The following PARD6G variants were observed in gnomAD, a reference collection of about 807,000 sequenced individuals.
PARD6G encodes the protein par-6 family cell polarity regulator gamma.
Under a neutral mutation model 10.7 loss-of-function variants are expected in PARD6G, and 7 were observed. That is an observed-to-expected ratio of 0.66 (90% CI 0.37 to 1.23). The LOEUF (loss-of-function observed/expected upper bound fraction) is 1.23, where lower values mean the gene tolerates loss of function less well. PARD6G is among the 50% of genes most tolerant of loss of function. The pLI, the probability that PARD6G is intolerant of heterozygous loss-of-function variation, is 0.02. For missense variants in PARD6G, 548 were observed against 571.8 expected, an observed-to-expected ratio of 0.96 and a Z score of 0.42; for synonymous variants, 287 against 269.4, an observed-to-expected ratio of 1.07 and a Z score of -0.64.
intron 2 of PARD6G, among the ~76,000 whole-genome samples, chr18:80,173,939 C>T (rs754457351): frequency 2.6e-5 from 4 of 152,120 alleles, no homozygotes; most frequent in Admixed American, 1.3e-4. Flanking sequence ...CACTAATGCC[C>T]GAATTGCCTT....
chr18:80,239,765 T>C (rs763598355), intron 1 of PARD6G, among the ~76,000 whole-genome samples: 4 of 152,250 alleles, frequency 2.6e-5, no homozygotes, highest in Non-Finnish European at 4.4e-5. Flanking sequence ...CTTCACAGGA[T>C]ACAGAGGGCA....
chr18:80,202,827 C>T lies in PARD6G; in HGVS notation c.178G>A (p.Val60Ile), dbSNP rs755835414. The change falls in exon 2 of 3, where the codon GTA becomes ATA. Residue 60 changes from valine to isoleucine, a missense_variant. Val to Ile is a conservative substitution (Grantham distance 29, BLOSUM62 3). Transcript: ENST00000353265. ...TGCACATCTGCATAGCCAATAGTTA[C>T]ATCACTGTTGGAGATATGGTGGGTG... ...VHTHHISNSD[V>I]TIGYADVHGD... 6.2e-7 allele frequency: 1 copy of T among 1,613,398 alleles called. No individual in the cohort carries two copies. The highest frequency in any genetic ancestry group is 8.5e-7 in the Non-Finnish European group (1 of 1,179,616).
rs142591786 is a variant in PARD6G at position 80,183,507 on chromosome 18, C to T, written c.295+19203G>A. ...CCCAAGGCTCAGCACGTGATCCTGCCGGTCGTACACACAGCCCCAGCTCGA... is the reference window on the plus strand; with the variant it reads ...CCCAAGGCTCAGCACGTGATCCTGCTGGTCGTACACACAGCCCCAGCTCGA... On this transcript the variant is annotated intron_variant, in intron 2 of 2. Transcript: ENST00000353265. The surrounding 1 kb of genome is among the most constrained non-coding windows in gnomAD (Gnocchi z 4.5). 3.8e-3 allele frequency among the ~76,000 whole-genome samples: 577 copies of T among 152,274 alleles called. 2 individuals carry two copies. The highest frequency in any genetic ancestry group is 0.013 in the African/African-American group (545 of 41,560).
At chr18:80,202,389 C>T (rs897380419) in intron 2 of PARD6G, among the ~76,000 whole-genome samples, 1 of 152,132 alleles carries the variant, frequency 6.6e-6, no homozygotes, top group Non-Finnish European at 1.5e-5. Context: ...GGGCATGCAC[C>T]GTAACCCCAA....
At chr18:80,245,717 A>G (rs545972243) in intron 1 of PARD6G, among the ~76,000 whole-genome samples, 1 of 152,290 alleles carries the variant, frequency 6.6e-6, no homozygotes, top group African/African-American at 2.4e-5. Flanking sequence ...GTGCAGCTCC[A>G]GAGAGCTGTG....
Position 80,192,655 on chromosome 18 carries a change from A to G in PARD6G, c.295+10055T>C, listed in dbSNP as rs1054644646. On this transcript the variant is annotated intron_variant, in intron 2 of 2. Transcript: ENST00000353265. This position sits in a 1 kb window ranked among gnomAD's most constrained non-coding sequence, Gnocchi z 4.9. ...ATTGAAGGGTACACTGTACTTTCTG[A>G]ACCTTACTGTGGTCCAGAACACCAA... is the stretch of plus-strand genomic sequence containing the variant. Among the ~76,000 whole-genome samples, 3 of 152,148 alleles carry G rather than the reference A, an allele frequency of 2.0e-5. No homozygotes were observed. Among genetic ancestry groups the G allele is most frequent in the African/African-American group, 7.2e-5 (3 of 41,436 alleles).
In PARD6G at chr18:80,224,801, C is replaced by G. The variant is rs757098928; in HGVS notation, c.73-21869G>C. Among the ~76,000 whole-genome samples the G allele has an allele frequency of 3.3e-5, 5 of 151,846 alleles. 1 individual carries two copies. In the South Asian group the frequency reaches 1.0e-3, roughly 32 times the overall value. ...GGCGGAGGTTGCAGTGAGCCGAGAT[C>G]GCGCCACTGCTCTCCAGCCTGGTCG... On this transcript the variant is annotated intron_variant, in intron 1 of 2. Transcript: ENST00000353265.
At chr18:80,232,744 A>G (rs952391137) in intron 1 of PARD6G, among the ~76,000 whole-genome samples, 7 of 152,160 alleles carry the variant, frequency 4.6e-5, no homozygotes, top group Non-Finnish European at 8.8e-5. Flanking sequence ...CAGACTGGAC[A>G]CAAGGCCAAA....
intron 1 of PARD6G, among the ~76,000 whole-genome samples, chr18:80,221,166 T>C (rs1339412684): frequency 6.6e-6 from 1 of 152,146 alleles, no homozygotes; most frequent in Non-Finnish European, 1.5e-5. Flanking sequence ...AAATCAAACC[T>C]TCACAAATTC....
At position 80,192,239 on chromosome 18, in the gene PARD6G, T is replaced by C. The variant is rs1034988695; in HGVS notation, c.295+10471A>G. Among the ~76,000 whole-genome samples, 1 of 152,192 alleles carries C rather than the reference T, an allele frequency of 6.6e-6. No homozygotes were observed. The highest frequency in any genetic ancestry group is 2.4e-5 in the African/African-American group (1 of 41,450). ...GAAGCAAGAACATCAATGAACACTC[T>C]CCTTCGGTGGTCTCTGAGTCGTCCC... is the stretch of plus-strand genomic sequence containing the variant. On this transcript the variant is annotated intron_variant, in intron 2 of 2. Transcript: ENST00000353265. The surrounding 1 kb of genome is among the most constrained non-coding windows in gnomAD (Gnocchi z 4.9).
At chr18:80,239,225 G>T (rs1967462613) in intron 1 of PARD6G, among the ~76,000 whole-genome samples, 1 of 151,550 alleles carries the variant, frequency 6.6e-6, no homozygotes, top group African/African-American at 2.4e-5. Flanking sequence ...AGAAGAGGGG[G>T]TCGAAGGTAC....
Position 80,227,853 on chromosome 18 carries a change from A to T in PARD6G, c.72+19424T>A, listed in dbSNP as rs541427479. Among the ~76,000 whole-genome samples, 3 of 151,880 alleles carry T rather than the reference A, an allele frequency of 2.0e-5. No individual in the cohort carries two copies. In the South Asian group the frequency reaches 6.3e-4, roughly 32 times the overall value. The stretch of plus-strand genomic sequence containing the variant: ...CAACCCCGGGAACCACCAGACCACC[A>T]GGGCTTCAGACCATTCACGAGACGT... On this transcript the variant is annotated intron_variant, in intron 1 of 2. Transcript: ENST00000353265.
chr18:80,178,090 A>T (rs921297036), intron 2 of PARD6G: 1 of 167,108 alleles, frequency 6.0e-6, no homozygotes, highest in Non-Finnish European at 1.5e-5. Context: ...TTGCAGATAC[A>T]GCTGTGGTTT....
rs2052683279 is a variant in PARD6G, at chr18:80,159,839, C to T, written c.1063G>A (p.Asp355Asn). ...LQRLLSSLRADPRHSLALPPG... is the reference protein window; with the variant it reads ...LQRLLSSLRANPRHSLALPPG... ...GGCAGCGCCAGGCTGTGACGGGGGT[C>T]GGCCCGCAGGGAGCTGAGCAGCCGC... The change falls in exon 3 of 3, where the codon GAC (aspartate) becomes AAC (asparagine). Residue 355 changes from aspartate (D) to asparagine (N), a missense_variant. By Grantham distance (23) the Asp-to-Asn change is conservative. This residue lies in a region of PARD6G where 313 missense variants were observed against 279.9 expected (regional missense o/e 1.12). Transcript: ENST00000353265. 3 of 1,492,314 alleles carry T rather than the reference C, an allele frequency of 2.0e-6. No homozygotes were observed. Among genetic ancestry groups the T allele is most frequent in the Non-Finnish European group, 2.7e-6 (3 of 1,126,066 alleles). 92.4% of individuals were successfully genotyped at this position (1,492,314 alleles called of 1,614,324 possible).
In PARD6G at chr18:80,175,212, T is replaced by C. The variant is rs560500326; in HGVS notation, c.296-14606A>G. On this transcript the variant is annotated intron_variant, in intron 2 of 2. Transcript: ENST00000353265. This position sits in a 1 kb window ranked among gnomAD's most constrained non-coding sequence, Gnocchi z 6.7. ...TGGGAAACACATAACACTTTAATAA[T>C]TGTTTTGCTGCAGAAGTGTGAACAT... Among the ~76,000 whole-genome samples the C allele has an allele frequency of 1.3e-5, 2 of 152,344 alleles. No individual in the cohort carries two copies. The highest frequency in any genetic ancestry group is 2.1e-4 in the South Asian group (1 of 4,832).
chr18:80,210,408 T>C (rs1967095831), intron 1 of PARD6G, among the ~76,000 whole-genome samples: 1 of 152,226 alleles, frequency 6.6e-6, no homozygotes, highest in Non-Finnish European at 1.5e-5. Context: ...GTGCTTTCAC[T>C]TCCTATCCAC....
rs113478765 is a variant in PARD6G, at chr18:80,228,568, C to T, written c.72+18709G>A. Among the ~76,000 whole-genome samples the T allele has an allele frequency of 0.025, 3,834 of 151,152 alleles. 154 individuals are homozygous for T. Among genetic ancestry groups the T allele is most frequent in the African/African-American group, 0.089 (3,640 of 41,058 alleles). On this transcript the variant is annotated intron_variant, in intron 1 of 2. Coordinates refer to ENST00000353265, the MANE Select transcript of PARD6G (RefSeq NM_032510.4). This position sits in a 1 kb window ranked among gnomAD's most constrained non-coding sequence, Gnocchi z 4.6. ...GTCCCAGACACCACAGGGTCTTGGCCCCCAGGCCCACAGACTGCATCTCCT... is the reference window on the plus strand; with the variant it reads ...GTCCCAGACACCACAGGGTCTTGGCTCCCAGGCCCACAGACTGCATCTCCT...
chr18:80,239,598 C>T (rs1428974169), intron 1 of PARD6G, among the ~76,000 whole-genome samples: 1 of 152,228 alleles, frequency 6.6e-6, no homozygotes, highest in Non-Finnish European at 1.5e-5. Flanking sequence ...CACAAGCACC[C>T]CTGGAGCTGC....
chr18:80,219,501 C>T (rs752086422), intron 1 of PARD6G, among the ~76,000 whole-genome samples: 5 of 151,830 alleles, frequency 3.3e-5, no homozygotes, highest in Non-Finnish European at 5.9e-5. Flanking sequence ...TGAGCCACTG[C>T]GCCCAGCCGG....
Sources: allele counts gnomAD v4.1 joint callset (sites outside exome capture counted in the v4.1 genomes callset), GRCh38; gene constraint gnomAD v4.1.1; regional missense constraint gnomAD v4.1.1; non-coding constraint Gnocchi (gnomAD v3.1); transcripts MANE v1.5; gene names NCBI Gene and HGNC (gene_info 2026-07-23, HGNC 2026-07-21).